EOGT: variants seen among roughly 807,000 people sequenced by gnomAD.
The protein encoded by EOGT is EGF domain-specific O-linked N-acetylglucosamine transferase.
Under a neutral mutation model 70.5 loss-of-function variants are expected in EOGT, and 55 were observed. That is an observed-to-expected ratio of 0.78 (90% confidence interval 0.63 to 0.98). The LOEUF (loss-of-function observed/expected upper bound fraction) is 0.98, where lower values mean the gene tolerates loss of function less well. Ranked by LOEUF, EOGT falls within the 50% of genes least tolerant of loss-of-function variation. EOGT has a pLI of 0.00. For missense variants in EOGT, 703 were observed against 641.9 expected, an observed-to-expected ratio of 1.10 and a Z score of -1.03; for synonymous variants, 246 against 217.1, an observed-to-expected ratio of 1.13 and a Z score of -1.17.
chr3:69,001,020 G>A (rs113970140), intron 9 of EOGT, among the ~76,000 whole-genome samples: 4,642 of 150,476 alleles, frequency 0.031, 256 homozygotes, highest in African/African-American at 0.11. Context: ...GCAGCGGCAC[G>A]ATCTTGGCTC....
At chr3:69,012,349 GA>G (rs1398543551) in intron 2 of EOGT, 165 bp downstream of exon 2, 1 of 152,234 alleles carries the variant, frequency 6.6e-6, no homozygotes, top group African/African-American at 2.4e-5. Flanking sequence ...CCCACTGGCT[GA>G]ATCACAGGGC....
Position 68,988,725 on chromosome 3 carries a change from A to T in EOGT, c.925-148T>A, listed in dbSNP as rs1270439561. 1.5e-5 allele frequency: 10 copies of T among 645,434 alleles called. No individual in the cohort carries two copies. In the South Asian group the frequency reaches 2.3e-4, roughly 15 times the overall value. The allele number at this position is 645,434 out of a possible 1,614,324, so 40.0% of individuals were successfully genotyped here. A position where few individuals can be genotyped will look rare whatever the true frequency, so the allele number is the denominator to read the frequency against. On this transcript the variant is annotated intron_variant, in intron 11 of 17. Transcript: ENST00000383701. ...ATTTCATTCAAAGAGAACAGAATTC[A>T]TATTTTTGGAAAGATTATAGAAAAA...
intron 14 of EOGT, among the ~76,000 whole-genome samples, chr3:68,983,469 T>A (rs915389653): frequency 6.6e-6 from 1 of 152,236 alleles, no homozygotes; most frequent in African/African-American, 2.4e-5. Flanking sequence ...AAAAATATAG[T>A]CATGGTTCTC....
chr3:68,978,698 G>A (rs529051525), intron 16 of EOGT, among the ~76,000 whole-genome samples: 41 of 152,236 alleles, frequency 2.7e-4, no homozygotes, highest in Non-Finnish European at 4.4e-4. Context: ...CTATGGACTT[G>A]GCATGACCTT....
At chr3:68,989,948 T>C (rs188537580) in intron 10 of EOGT, among the ~76,000 whole-genome samples, 75 of 151,758 alleles carry the variant, frequency 4.9e-4, no homozygotes, top group Non-Finnish European at 9.0e-4. Flanking sequence ...TCTAATAAAA[T>C]AAAATAAAAT....
At chr3:68,984,625 A>G (rs1027280915) in intron 14 of EOGT, among the ~76,000 whole-genome samples, 2 of 152,294 alleles carry the variant, frequency 1.3e-5, no homozygotes, top group South Asian at 2.1e-4. Context: ...CCTTTCTAGT[A>G]ACATCCAATC....
chr3:68,990,659 T>C (rs1445097161), intron 10 of EOGT, among the ~76,000 whole-genome samples: 1 of 152,204 alleles, frequency 6.6e-6, no homozygotes, highest in African/African-American at 2.4e-5. Context: ...ATTTATTTTT[T>C]GAAAAGTAGT....
Position 68,977,704 on chromosome 3 carries a change from C to A in EOGT, c.1498G>T (p.Glu500Ter), listed in dbSNP as rs947918120. Reference sequence around the variant, plus strand: ...GCCTGAAGGACAAGATACATAAATTCTTCTACATCGAAAGAGTAGTTGGTG... The same window carrying A: ...GCCTGAAGGACAAGATACATAAATTATTCTACATCGAAAGAGTAGTTGGTG... ...KFTNYSFDVE[E>*]FMYLVLQAAD... The change falls in exon 18 of 18, where the codon GAA becomes TAA. Residue 500 changes from glutamate (E) to a stop codon, truncating the protein, a stop_gained. Transcript: ENST00000383701. LOFTEE classifies it high-confidence loss of function. The A allele has an allele frequency of 6.2e-7, 1 of 1,613,970 alleles. No homozygotes were observed. The highest frequency in any genetic ancestry group is 1.1e-5 in the South Asian group (1 of 91,020).
At chr3:68,982,709 C>A in intron 15 of EOGT, 102 bp downstream of exon 15, 1 of 711,068 alleles carries the variant, frequency 1.4e-6, no homozygotes, top group Non-Finnish European at 2.3e-6. Flanking sequence ...CCCTTCTGGG[C>A]CTACAAATGC....
chr3:68,988,487 T>C lies in EOGT; in HGVS notation c.996+19A>G. The C allele has an allele frequency of 4.0e-6, 6 of 1,518,286 alleles. No homozygotes were observed. The highest frequency in any genetic ancestry group is 4.4e-6 in the Non-Finnish European group (5 of 1,131,410). 94.1% of individuals were successfully genotyped at this position (1,518,286 alleles called of 1,614,324 possible). ...TTATGTCTGTAAATATGAATGCTAA[T>C]GGTAGACAATGTGCTTACCAGAGGA... On this transcript the variant is annotated intron_variant, in intron 12 of 17. Coordinates refer to ENST00000383701, the MANE Select transcript of EOGT (RefSeq NM_001278689.2).
chr3:69,004,583 T>C (rs912907591), intron 7 of EOGT, 101 bp from the exon 8 acceptor site: 6 of 740,100 alleles, frequency 8.1e-6, no homozygotes, highest in Non-Finnish European at 1.4e-5. Context: ...AAACTGAATT[T>C]TTTAAAAGAA....
chr3:68,979,492 C>T (rs993084243), intron 16 of EOGT, among the ~76,000 whole-genome samples, 176 bp downstream of exon 16: 19 of 152,156 alleles, frequency 1.2e-4, no homozygotes, highest in African/African-American at 4.6e-4. Flanking sequence ...CAATGGCAGG[C>T]TGCAGACTTT....
At chr3:68,993,241 T>A (rs1265702063) in intron 10 of EOGT, among the ~76,000 whole-genome samples, 1 of 152,204 alleles carries the variant, frequency 6.6e-6, no homozygotes, top group Non-Finnish European at 1.5e-5. Flanking sequence ...ATGCTCTGTT[T>A]CCCTTTTAAA....
At chr3:68,980,950 G>C (rs2090622848) in intron 15 of EOGT, among the ~76,000 whole-genome samples, 2 of 152,176 alleles carry the variant, frequency 1.3e-5, no homozygotes, top group African/African-American at 4.8e-5. Context: ...CAATGATACA[G>C]CCTCAGAGGT....
rs371463102 is a variant in EOGT at position 68,979,676 on chromosome 3, T to C, written c.1326A>G (p.Val442=). 9 of 1,613,596 alleles carry C rather than the reference T, an allele frequency of 5.6e-6. No homozygotes were observed. The highest frequency in any genetic ancestry group is 3.3e-5 in the Admixed American group (2 of 59,946). The change falls in exon 16 of 18, where the codon GTA becomes GTG. Residue 442 remains valine, a synonymous_variant. Coordinates refer to ENST00000383701, the MANE Select transcript of EOGT (RefSeq NM_001278689.2). Reference sequence around the variant, plus strand: ...TGCCTCCCAACACTTACAGTTCAAATACAGCAGCCCAGTCTGGAAGGAAAA... The same window carrying C: ...TGCCTCCCAACACTTACAGTTCAAACACAGCAGCCCAGTCTGGAAGGAAAA... ...HLLFLPDWAA[V]FELYNCEDER...
chr3:68,989,561 A>G (rs2107230664), intron 10 of EOGT, among the ~76,000 whole-genome samples: 1 of 152,196 alleles, frequency 6.6e-6, no homozygotes, highest in Non-Finnish European at 1.5e-5. Context: ...CAGCCTGACC[A>G]ATATGATGAA....
intron 15 of EOGT, 80 bp downstream of exon 15, chr3:68,982,731 A>T: frequency 6.1e-6 from 6 of 990,044 alleles, no homozygotes; most frequent in Non-Finnish European, 9.0e-6. Context: ...AATGGCTCCC[A>T]CTGGAAAAAT....
chr3:68,988,961 A>G lies in EOGT; in HGVS notation c.888T>C (p.Tyr296=), dbSNP rs566969761. The G allele has an allele frequency of 1.6e-4, 244 of 1,532,112 alleles. No individual in the cohort carries two copies. Among genetic ancestry groups the G allele is most frequent in the Non-Finnish European group, 2.0e-4 (230 of 1,144,922 alleles). The allele number at this position is 1,532,112 out of a possible 1,614,324, so 94.9% of individuals were successfully genotyped here. The change falls in exon 11 of 18, where the codon TAT becomes TAC. Residue 296 remains tyrosine (Y), a synonymous_variant. Coordinates refer to ENST00000383701, the MANE Select transcript of EOGT (RefSeq NM_001278689.2). The part of the protein sequence containing the change: ...FSDTWNAFTD[Y]DVIHLKTYDS... Reference sequence around the variant, plus strand: ...CATAAGTTTTCAAATGTATAACGTCATAATCAGTAAATGCATTCCATGTGT... The same window carrying G: ...CATAAGTTTTCAAATGTATAACGTCGTAATCAGTAAATGCATTCCATGTGT...
At chr3:68,997,927 T>C in intron 10 of EOGT, 84 bp downstream of exon 10, 1 of 809,746 alleles carries the variant, frequency 1.2e-6, no homozygotes, top group Non-Finnish European at 2.0e-6. Flanking sequence ...TATGTGTCTT[T>C]GAAAATTCTG....
Sources: gnomAD v4.1 joint callset for allele counts (sites outside exome capture counted in the v4.1 genomes callset) on GRCh38, gnomAD v4.1.1 for gene constraint, MANE v1.5 for transcripts, NCBI Gene and HGNC (gene_info 2026-07-23, HGNC 2026-07-21) for gene names.